Variants in HSD17B12 observed in about 807,000 individuals in gnomAD.
HSD17B12 encodes hydroxysteroid 17-beta dehydrogenase 12, also known as very-long-chain 3-oxoacyl-CoA reductase.
In HSD17B12, 32 loss-of-function variants were observed where a neutral mutation model predicts 39.3. The ratio of observed to expected loss-of-function variants is 0.81; its 90% CI spans 0.61 to 1.09. The LOEUF is 1.09. Ranked by LOEUF, HSD17B12 falls within the 50% of genes least tolerant of loss-of-function variation. The pLI is 0.00. For missense variants in HSD17B12, 342 were observed against 382.9 expected, an observed-to-expected ratio of 0.89 and a Z score of 0.89; for synonymous variants, 150 against 146.7, an observed-to-expected ratio of 1.02 and a Z score of -0.16.
upstream of HSD17B12, among the ~76,000 whole-genome samples, chr11:43,679,880 G>T (rs191513676): frequency 2.1e-4 from 32 of 152,042 alleles, no homozygotes; most frequent in Non-Finnish European, 4.6e-4. Flanking sequence ...AGTGTAACCC[G>T]GGCGAATGCC....
chr11:43,566,621 C>T, the HSD17B12 span, among the ~76,000 whole-genome samples: 1 of 152,248 alleles, frequency 6.6e-6, no homozygotes, highest in Non-Finnish European at 1.5e-5. Context: ...CCTCCTCCTC[C>T]CGGGTTCAAG....
the HSD17B12 span, among the ~76,000 whole-genome samples, chr11:43,667,296 C>T: frequency 5.3e-5 from 8 of 152,048 alleles, no homozygotes; most frequent in Admixed American, 3.3e-4. Context: ...GGATTACAGG[C>T]GTGTGCCACC....
chr11:43,767,984 T>G (rs563797724), intron 3 of HSD17B12, among the ~76,000 whole-genome samples: 1 of 152,342 alleles, frequency 6.6e-6, no homozygotes, highest in African/African-American at 2.4e-5. Flanking sequence ...TTAAAAGGCA[T>G]CTCTGTTTAG....
intron 3 of HSD17B12, among the ~76,000 whole-genome samples, chr11:43,793,365 A>G (rs1003453401): frequency 2.6e-5 from 4 of 152,212 alleles, no homozygotes; most frequent in Non-Finnish European, 5.9e-5. Context: ...GAGAGTCAAC[A>G]TATATATTTT....
intron 9 of HSD17B12, among the ~76,000 whole-genome samples, chr11:43,845,773 A>G (rs1951469876): frequency 6.6e-6 from 1 of 152,158 alleles, no homozygotes; most frequent in Admixed American, 6.5e-5. Context: ...TCTCTGCCAT[A>G]TAATTACTAT....
intron 4 of HSD17B12, among the ~76,000 whole-genome samples, chr11:43,804,791 T>C (rs1475840392): frequency 2.0e-5 from 3 of 152,198 alleles, no homozygotes; most frequent in Admixed American, 2.0e-4. Flanking sequence ...TGAGCAAAGA[T>C]ACCCATCAGA....
chr11:43,612,920 T>C, the HSD17B12 span, among the ~76,000 whole-genome samples: 2 of 152,110 alleles, frequency 1.3e-5, no homozygotes, highest in Non-Finnish European at 2.9e-5. Context: ...GAGTGTCCAG[T>C]AATCATCAAG....
the HSD17B12 span, among the ~76,000 whole-genome samples, chr11:43,614,136 T>G: frequency 6.6e-6 from 1 of 152,234 alleles, no homozygotes; most frequent in Non-Finnish European, 1.5e-5. Context: ...TTTATGCAGT[T>G]TTTATTCAGC....
Position 43,855,294 on chromosome 11 carries a change from C to A in HSD17B12, c.*46C>A. 2 of 1,178,216 alleles carry A rather than the reference C, an allele frequency of 1.7e-6. No homozygotes were observed. The highest frequency in any genetic ancestry group is 2.5e-6 in the Non-Finnish European group (2 of 812,756). The allele number at this position is 1,178,216 out of a possible 1,614,324, so 73.0% of individuals were successfully genotyped here. On this transcript the variant is annotated 3_prime_UTR_variant, in exon 11 of 11. Transcript: ENST00000278353. ...ACTTGGCCAGATGCTCCAGCATATGCACGTTCACTGCAAAGCACCCTACTG... is the reference window on the plus strand; with the variant it reads ...ACTTGGCCAGATGCTCCAGCATATGAACGTTCACTGCAAAGCACCCTACTG...
At chr11:43,583,337 C>G in the HSD17B12 span, among the ~76,000 whole-genome samples, 1 of 152,204 alleles carries the variant, frequency 6.6e-6, no homozygotes, top group Non-Finnish European at 1.5e-5. Context: ...GGAGCGAGTC[C>G]TCTCCTCGCC....
intron 1 of HSD17B12, among the ~76,000 whole-genome samples, chr11:43,719,758 A>G (rs567501734): frequency 2.0e-3 from 308 of 151,840 alleles, no homozygotes; most frequent in Non-Finnish European, 3.7e-3. Context: ...TTTCTTTTTC[A>G]TAAGAAATAG....
chr11:43,633,462 G>T, the HSD17B12 span, among the ~76,000 whole-genome samples: 1 of 152,144 alleles, frequency 6.6e-6, no homozygotes, highest in African/African-American at 2.4e-5. Context: ...AACCCAGGAG[G>T]CAGAGGTTGC....
intron 3 of HSD17B12, among the ~76,000 whole-genome samples, chr11:43,764,027 C>T (rs1386131455): frequency 6.6e-6 from 1 of 152,052 alleles, no homozygotes; most frequent in African/African-American, 2.4e-5. Flanking sequence ...CTGAAGTTCA[C>T]AAGTGTCAAG....
chr11:43,800,864 C>T (rs955181026), intron 4 of HSD17B12, among the ~76,000 whole-genome samples: 1 of 152,078 alleles, frequency 6.6e-6, no homozygotes, highest in Non-Finnish European at 1.5e-5. Context: ...CTGGGCCGGG[C>T]GTGGTGGCTC....
the HSD17B12 span, among the ~76,000 whole-genome samples, chr11:43,580,646 C>T: frequency 6.6e-6 from 1 of 151,848 alleles, no homozygotes; most frequent in African/African-American, 2.4e-5. Context: ...AGAGGTCGCT[C>T]TCTTAAACCT....
intron 1 of HSD17B12, among the ~76,000 whole-genome samples, chr11:43,729,504 CTT>C (rs1321977518): frequency 6.6e-6 from 1 of 151,750 alleles, no homozygotes; most frequent in African/African-American, 2.4e-5. Context: ...ACATTTGAAA[CTT>C]TTGCTGGAGA....
At chr11:43,679,262 C>T (rs900834262), upstream of HSD17B12, among the ~76,000 whole-genome samples, 4 of 152,034 alleles carry the variant, frequency 2.6e-5, no homozygotes, top group Non-Finnish European at 5.9e-5. Flanking sequence ...ATAAGAATGC[C>T]TGTGATTTTT....
chr11:43,595,363 A>T, the HSD17B12 span, among the ~76,000 whole-genome samples: 1 of 152,262 alleles, frequency 6.6e-6, no homozygotes, highest in Non-Finnish European at 1.5e-5. Flanking sequence ...TTTTGAAAAC[A>T]ATAGTTGAAT....
At chr11:43,592,288 T>C in the HSD17B12 span, among the ~76,000 whole-genome samples, 1 of 152,098 alleles carries the variant, frequency 6.6e-6, no homozygotes, top group East Asian at 1.9e-4. Context: ...TTTGGCAAAA[T>C]TTTGTGTGTG....
Sources: gnomAD v4.1 joint callset for allele counts (sites outside exome capture counted in the v4.1 genomes callset) on GRCh38, gnomAD v4.1.1 for gene constraint, MANE v1.5 for transcripts, NCBI Gene and HGNC (gene_info 2026-07-23, HGNC 2026-07-21) for gene names.